Variants in WNT5B observed in about 807,000 individuals in gnomAD.
WNT5B encodes the protein Wnt family member 5B.
WNT5B carries 18 observed loss-of-function variants against 36.5 expected under a neutral mutation model. The observed-to-expected ratio is 0.49, with a 90% CI of 0.34 to 0.73. WNT5B has a LOEUF of 0.73. WNT5B is among the 30% of genes least tolerant of loss of function. The pLI is 0.01. For missense variants in WNT5B, 424 were observed against 508.4 expected (o/e 0.83, Z 1.60); for synonymous variants, 213 against 212.3 (o/e 1.00, Z -0.03).
intron 1 of WNT5B, among the ~76,000 whole-genome samples, chr12:1,621,881 G>A (rs751389398): frequency 3.9e-5 from 6 of 151,928 alleles, no homozygotes; most frequent in Admixed American, 2.0e-4. Context: ...TAAATTTCAC[G>A]AACAAGCAAT....
chr12:1,640,656 A>G (rs888015612), intron 4 of WNT5B, among the ~76,000 whole-genome samples: 11 of 152,220 alleles, frequency 7.2e-5, no homozygotes, highest in African/African-American at 2.7e-4. Context: ...TGTGCAGAGC[A>G]CACCTGGGCG....
Position 1,647,047 on chromosome 12 carries a change from C to T in WNT5B, c.*795C>T, listed in dbSNP as rs1199513680. On this transcript the variant is annotated 3_prime_UTR_variant, in exon 5 of 5. Transcript: ENST00000397196. ...CTGCGTGGACGTTATACTGTCTTCC[C>T]CCACCCCCGGGGAGGGGAAGCTTGA... 6.6e-6 allele frequency: 1 copy of T among 152,308 alleles called. No homozygotes were observed. The highest frequency in any genetic ancestry group is 2.4e-5 in the African/African-American group (1 of 41,444). 9.4% of individuals were successfully genotyped at this position (152,308 alleles called of 1,614,324 possible).
upstream of WNT5B, among the ~76,000 whole-genome samples, chr12:1,627,208 A>G (rs1368210178): frequency 6.6e-6 from 1 of 152,130 alleles, no homozygotes; most frequent in African/African-American, 2.4e-5. This position sits in a 1 kb window ranked among gnomAD's most constrained non-coding sequence, Gnocchi z 5.0. Flanking sequence ...CTCAGTGACA[A>G]AGGAGGCCTG....
In WNT5B at chr12:1,623,196, T is replaced by TTTTTGTTTGTTTG. The variant is rs1555156805; in HGVS notation, c.-58+6057_-58+6058insGTTTGTTTGTTTT. Among the ~76,000 whole-genome samples, 95 of 114,938 alleles carry TTTTTGTTTGTTTG rather than the reference T, an allele frequency of 8.3e-4. 2 individuals carry two copies. The highest frequency in any genetic ancestry group is 3.0e-3 in the African/African-American group (87 of 28,696). The allele number at this position is 114,938 out of a possible 152,430, so 75.4% of individuals were successfully genotyped here. A position where few individuals can be genotyped will look rare whatever the true frequency, so the allele number is the denominator to read the frequency against. On this transcript the variant is annotated intron_variant, in intron 1 of 4. Coordinates refer to the WNT5B transcript ENST00000310594. ...TGAAGGGTTTTTTGTTGTTTTTTTT[T>TTTTTGTTTGTTTG]TTTTTTTTTTTTTTTTTGAGACGGA...
chr12:1,639,698 G>A lies in WNT5B; in HGVS notation c.343G>A (p.Ala115Thr), dbSNP rs2094570430. 3 of 1,570,060 alleles carry A rather than the reference G, an allele frequency of 1.9e-6. No homozygotes were observed. The highest frequency in any genetic ancestry group is 1.9e-5 in the Admixed American group (1 of 53,684). ...RVMQIGSRET[A>T]FTHAVSAAGV... Reference sequence around the variant, plus strand: ...TCATTCTGCAGGCAGCCGAGAGACCGCCTTCACCCACGCGGTGAGCGCCGC... The same window carrying A: ...TCATTCTGCAGGCAGCCGAGAGACCACCTTCACCCACGCGGTGAGCGCCGC... Residue 115 changes from alanine (A) to threonine (T), a missense_variant, in exon 4 of 5, where the codon GCC becomes ACC. Transcript: ENST00000397196.
intron 1 of WNT5B, among the ~76,000 whole-genome samples, chr12:1,623,184 G>GGTTTTTTTTTTTTTTTT (rs1272170104): frequency 3.7e-5 from 2 of 53,492 alleles, no homozygotes; most frequent in Admixed American, 1.5e-4. Flanking sequence ...AGGGTTTTTT[G>GGTTTTTTTTTTTTTTTT]TTGTTTTTTT....
At chr12:1,637,674 C>T (rs774515352) in intron 3 of WNT5B, among the ~76,000 whole-genome samples, 31 of 150,596 alleles carry the variant, frequency 2.1e-4, no homozygotes, top group African/African-American at 5.1e-4. Context: ...TGTTTGAACT[C>T]GGGCAGCAGA....
At chr12:1,643,408 AGGCT>A (rs2094579004) in intron 4 of WNT5B, among the ~76,000 whole-genome samples, 1 of 152,146 alleles carries the variant, frequency 6.6e-6, no homozygotes, top group Non-Finnish European at 1.5e-5. Flanking sequence ...CTTGTTGCCC[AGGCT>A]GGAGTGCAAT....
At chr12:1,640,033 G>A in intron 4 of WNT5B, 57 bp downstream of exon 4, 1 of 1,545,204 alleles carries the variant, frequency 6.5e-7, no homozygotes, top group Non-Finnish European at 8.7e-7. Context: ...CTGTTCCCGG[G>A]CTGTGCCACC....
At chr12:1,626,678 C>T (rs2094541646), upstream of WNT5B, among the ~76,000 whole-genome samples, 1 of 152,082 alleles carries the variant, frequency 6.6e-6, no homozygotes, top group South Asian at 2.1e-4. Context: ...CATTCTCCTG[C>T]CTCAGCCTCC....
At chr12:1,625,964 GT>G (rs2094540324), upstream of WNT5B, among the ~76,000 whole-genome samples, 2 of 145,376 alleles carry the variant, frequency 1.4e-5, no homozygotes, top group South Asian at 4.4e-4. Flanking sequence ...CACCCTGCCT[GT>G]TTTTTTTCTC....
intron 1 of WNT5B, among the ~76,000 whole-genome samples, chr12:1,622,164 G>A (rs924544353): frequency 1.0e-4 from 15 of 143,114 alleles, no homozygotes; most frequent in South Asian, 2.2e-4. Context: ...AGGCTGGAGT[G>A]CAGTGGCGTG....
At chr12:1,643,234 C>A (rs1487777792) in intron 4 of WNT5B, among the ~76,000 whole-genome samples, 1 of 152,128 alleles carries the variant, frequency 6.6e-6, no homozygotes, top group African/African-American at 2.4e-5. Flanking sequence ...GATTTCTAAG[C>A]ATTTTCCAGA....
intron 1 of WNT5B, among the ~76,000 whole-genome samples, chr12:1,623,832 A>G (rs1052264408): frequency 2.0e-5 from 3 of 152,110 alleles, no homozygotes; most frequent in Admixed American, 2.0e-4. Flanking sequence ...CTAAGTACCA[A>G]CTCTTTAAAA....
rs141168647 is a variant in WNT5B at position 1,632,153 on chromosome 12, C to T, written c.81-505C>T. Reference sequence around the variant, plus strand: ...TTTTAAAGGCCCAAAGGGAGTACCACGCAAAGGATTGATTGCTTTCCATGG... The same window carrying T: ...TTTTAAAGGCCCAAAGGGAGTACCATGCAAAGGATTGATTGCTTTCCATGG... On this transcript the variant is annotated intron_variant, in intron 2 of 4. Transcript: ENST00000397196. The surrounding 1 kb of genome is among the most constrained non-coding windows in gnomAD (Gnocchi z 5.8). Among the ~76,000 whole-genome samples the T allele has an allele frequency of 2.4e-4, 36 of 152,312 alleles. No individual in the cohort carries two copies. Among genetic ancestry groups the T allele is most frequent in the Admixed American group, 1.2e-3 (18 of 15,294 alleles).
In WNT5B at chr12:1,618,348, T is replaced by A. The variant is rs2094529661; in HGVS notation, c.-58+1205T>A. 6.6e-6 allele frequency among the ~76,000 whole-genome samples: 1 copy of A among 152,198 alleles called. No individual in the cohort carries two copies. The highest frequency in any genetic ancestry group is 1.5e-5 in the Non-Finnish European group (1 of 68,040). ...CCTTGGTGGTGATCCAGAAGTCCAT[T>A]TATTTACTTCATTCACTCTAAGTAG... On this transcript the variant is annotated intron_variant, in intron 1 of 4. Transcript: ENST00000310594. This position sits in a 1 kb window ranked among gnomAD's most constrained non-coding sequence, Gnocchi z 4.1.
chr12:1,630,360 T>A lies in WNT5B; in HGVS notation c.-57-938T>A. The A allele has an allele frequency of 2.1e-6, 1 of 486,824 alleles. No individual in the cohort carries two copies. The highest frequency in any genetic ancestry group is 2.7e-6 in the Non-Finnish European group (1 of 374,984). 30.2% of individuals were successfully genotyped at this position (486,824 alleles called of 1,614,324 possible). A position where few individuals can be genotyped will look rare whatever the true frequency, so the allele number is the denominator to read the frequency against. On this transcript the variant is annotated intron_variant, in intron 1 of 4. Transcript: ENST00000397196. The surrounding 1 kb of genome is among the most constrained non-coding windows in gnomAD (Gnocchi z 5.3). ...TCTAGCAGCACTGACCTGCTGCGGG[T>A]CCCAGGGCCTGGGGACAGGGGCTCT...
At position 1,618,473 on chromosome 12, in the gene WNT5B, G is replaced by A. The variant is rs369338784; in HGVS notation, c.-58+1330G>A. The stretch of plus-strand genomic sequence containing the variant: ...TAGATCTGGTGAAAATAGATTACTT[G>A]CAGGACAAGAGCATCTAAACACCCC... On this transcript the variant is annotated intron_variant, in intron 1 of 4. Transcript: ENST00000310594. This position sits in a 1 kb window ranked among gnomAD's most constrained non-coding sequence, Gnocchi z 4.1. Among the ~76,000 whole-genome samples the A allele has an allele frequency of 6.6e-6, 1 of 152,120 alleles. No homozygotes were observed. Among genetic ancestry groups the A allele is most frequent in the East Asian group, 1.9e-4 (1 of 5,196 alleles).
chr12:1,628,465 C>T (rs1419729580), upstream of WNT5B, among the ~76,000 whole-genome samples: 2 of 152,198 alleles, frequency 1.3e-5, no homozygotes, highest in African/African-American at 4.8e-5. Flanking sequence ...TTTGAATTGA[C>T]ACTTGCCTCT....
Sources: gnomAD v4.1 joint callset for allele counts (sites outside exome capture counted in the v4.1 genomes callset) on GRCh38, gnomAD v4.1.1 for gene constraint, Gnocchi (gnomAD v3.1) non-coding constraint, MANE v1.5 for transcripts, NCBI Gene and HGNC (gene_info 2026-07-23, HGNC 2026-07-21) for gene names.